Variants in RNF32 observed in about 807,000 individuals in gnomAD.
The protein encoded by RNF32 is ring finger protein 32.
In RNF32, 36 loss-of-function variants were observed where a neutral mutation model predicts 41.0. That is an observed-to-expected ratio of 0.88 (90% CI 0.67 to 1.16). The LOEUF (loss-of-function observed/expected upper bound fraction) is 1.16. Among genes scored for constraint, RNF32 ranks in the 50% most tolerant of loss-of-function variants. The probability of loss-of-function intolerance (pLI) is 0.00; values close to 1 mark genes in which losing one functional copy is unlikely to be tolerated. For missense variants in RNF32, 413 were observed against 436.7 expected, an observed-to-expected ratio of 0.95 and a Z score of 0.48; for synonymous variants, 154 against 160.9, an observed-to-expected ratio of 0.96 and a Z score of 0.32.
At chr7:156,673,567 T>C (rs1158086122) in intron 7 of RNF32, among the ~76,000 whole-genome samples, 2 of 152,166 alleles carry the variant, frequency 1.3e-5, no homozygotes, top group Non-Finnish European at 2.9e-5. Flanking sequence ...AAAAGCAGCT[T>C]CCACCAGGCT....
In RNF32 at chr7:156,644,578, G is replaced by T; in HGVS notation, c.95G>T (p.Arg32Leu). Residue 32 changes from arginine to leucine, a missense_variant, in exon 3 of 9, where the codon CGA (arginine) becomes CTA (leucine). By Grantham distance (102) the Arg-to-Leu change is moderately radical. Transcript: ENST00000317955. The stretch of plus-strand genomic sequence containing the variant: ...CACATTTTACATGATCTTCAACTTC[G>T]AAATCTTTCAGTTGCAGATCATTCT... ...QDHILHDLQL[R>L]NLSVADHSKT... 1 of 1,612,430 alleles carries T rather than the reference G, an allele frequency of 6.2e-7. No homozygotes were observed. Among genetic ancestry groups the T allele is most frequent in the South Asian group, 1.1e-5 (1 of 91,002 alleles).
chr7:156,644,028 A>G (rs1175751556), intron 2 of RNF32, 136 bp downstream of exon 2: 15 of 739,798 alleles, frequency 2.0e-5, no homozygotes, highest in Non-Finnish European at 3.2e-5. Flanking sequence ...GGCGATGCCA[A>G]GTGTCGCATG....
intron 7 of RNF32, chr7:156,660,141 C>G (rs567972325): frequency 2.0e-6 from 2 of 985,616 alleles, no homozygotes; most frequent in Admixed American, 6.1e-5. Context: ...CTCTGATCCC[C>G]GTGTCTGCTT....
chr7:156,671,668 G>A (rs1430998441), intron 7 of RNF32, among the ~76,000 whole-genome samples: 3 of 152,104 alleles, frequency 2.0e-5, no homozygotes, highest in South Asian at 2.1e-4. Context: ...CGGTACAGGC[G>A]GTCCTGTCGC....
At chr7:156,655,231 ACG>A (rs1253166143) in intron 4 of RNF32, among the ~76,000 whole-genome samples, 3 of 148,606 alleles carry the variant, frequency 2.0e-5, no homozygotes, top group South Asian at 2.2e-4. Context: ...GATAATATAC[ACG>A]CGCGCGCACA....
chr7:156,658,411 G>A, intron 6 of RNF32, 51 bp from the exon 7 acceptor site: 1 of 1,535,634 alleles, frequency 6.5e-7, no homozygotes, highest in East Asian at 2.2e-5. Flanking sequence ...TGAAGTATTG[G>A]TTGACATAGA....
Position 156,676,450 on chromosome 7 carries a change from T to C in RNF32, c.884T>C (p.Ile295Thr). The change falls in exon 9 of 9, where the codon ATC (isoleucine) becomes ACC (threonine). Residue 295 changes from isoleucine (I) to threonine (T), a missense_variant. Transcript: ENST00000317955. Reference sequence around the variant, plus strand: ...CGCCGGGAGACCCACGAGTGCTCCATCTGCCTGGCCCCTCTCTCCGCTGCT... The same window carrying C: ...CGCCGGGAGACCCACGAGTGCTCCACCTGCCTGGCCCCTCTCTCCGCTGCT... ...ALRRETHECS[I>T]CLAPLSAAGG... The C allele has an allele frequency of 6.2e-7, 1 of 1,614,084 alleles. No individual in the cohort carries two copies.
intron 5 of RNF32, 89 bp from the exon 6 acceptor site, chr7:156,658,039 A>G: frequency 7.5e-7 from 1 of 1,329,918 alleles, no homozygotes. Context: ...GGAGAAAAGA[A>G]CACTATAATT....
intron 8 of RNF32, among the ~76,000 whole-genome samples, chr7:156,676,067 G>A (rs1803925019): frequency 6.6e-6 from 1 of 152,074 alleles, no homozygotes; most frequent in Non-Finnish European, 1.5e-5. Context: ...GTCAGTCCCG[G>A]GGTAACCGCT....
At chr7:156,665,910 T>C (rs1363215938) in intron 7 of RNF32, among the ~76,000 whole-genome samples, 2 of 152,218 alleles carry the variant, frequency 1.3e-5, no homozygotes, top group Admixed American at 1.3e-4. Context: ...AAGAAAAAAG[T>C]ACCTGACCGC....
intron 7 of RNF32, chr7:156,659,844 A>G: frequency 2.2e-6 from 2 of 927,224 alleles, no homozygotes; most frequent in South Asian, 1.0e-4. Context: ...CAAATGCTGC[A>G]GCCTTCAGCT....
At chr7:156,653,703 CA>C (rs1585029576) in intron 3 of RNF32, among the ~76,000 whole-genome samples, 2 of 152,198 alleles carry the variant, frequency 1.3e-5, no homozygotes, top group East Asian at 1.9e-4. Flanking sequence ...GTTGCTTTTT[CA>C]AAGTGAGTGT....
intron 3 of RNF32, among the ~76,000 whole-genome samples, chr7:156,651,906 C>T (rs552255416): frequency 6.6e-6 from 1 of 152,272 alleles, no homozygotes; most frequent in Admixed American, 6.5e-5. Context: ...TCCGTGGTCC[C>T]CTCCCCCGGC....
chr7:156,653,443 A>G (rs1298863739), intron 3 of RNF32, among the ~76,000 whole-genome samples: 2 of 152,296 alleles, frequency 1.3e-5, no homozygotes, highest in Non-Finnish European at 1.5e-5. Flanking sequence ...TCAGGACTGT[A>G]TCTTAGCTTT....
At chr7:156,672,716 T>C (rs1250911421) in intron 7 of RNF32, among the ~76,000 whole-genome samples, 5 of 152,198 alleles carry the variant, frequency 3.3e-5, no homozygotes, top group African/African-American at 9.7e-5. Flanking sequence ...TAAATGCATA[T>C]AGATGTACAT....
chr7:156,643,472 T>C (rs1016364179), intron 1 of RNF32, among the ~76,000 whole-genome samples: 6 of 152,256 alleles, frequency 3.9e-5, no homozygotes, highest in African/African-American at 1.4e-4. Flanking sequence ...TAACTGGTTT[T>C]TCCAAGTCTC....
chr7:156,676,487 C>T lies in RNF32; in HGVS notation c.921C>T (p.Arg307=), dbSNP rs373560241. 6.2e-6 allele frequency: 10 copies of T among 1,613,914 alleles called. No individual in the cohort carries two copies. The highest frequency in any genetic ancestry group is 1.3e-5 in the African/African-American group (1 of 74,928). Residue 307 remains arginine, a synonymous_variant, in exon 9 of 9, where the codon CGC becomes CGT. Transcript: ENST00000317955. ...CTCTCTCCGCTGCTGGCGGTCAGCG[C>T]GTGGGTGCAGGCAGGCGTTCCAGAG... is the stretch of plus-strand genomic sequence containing the variant. ...LAPLSAAGGQ[R]VGAGRRSREM...
In RNF32 at chr7:156,657,534, T is replaced by C. The variant is rs1270576928; in HGVS notation, c.418-7T>C. ...ACTTCAACGTCGTTCTGTTTCCTCA[T>C]GAACAGGTGCTGCTTTCATGCTCCC... On this transcript the variant is annotated splice_polypyrimidine_tract_variant and splice_region_variant and intron_variant, in intron 4 of 8. Coordinates refer to ENST00000317955, the MANE Select transcript of RNF32 (RefSeq NM_030936.4). 1.2e-6 allele frequency: 2 copies of C among 1,614,198 alleles called. No homozygotes were observed. Among genetic ancestry groups the C allele is most frequent in the East Asian group, 2.2e-5 (1 of 44,892 alleles).
chr7:156,675,576 G>A, intron 7 of RNF32, 120 bp from the exon 8 acceptor site: 1 of 754,386 alleles, frequency 1.3e-6, no homozygotes, highest in East Asian at 2.5e-5. Context: ...TCCCTAAAAA[G>A]TATTATTCGA....
Sources: allele counts gnomAD v4.1 joint callset (sites outside exome capture counted in the v4.1 genomes callset), GRCh38; gene constraint gnomAD v4.1.1; transcripts MANE v1.5; gene names NCBI Gene and HGNC (gene_info 2026-07-23, HGNC 2026-07-21).